Variants in GABRG3 observed in about 807,000 individuals in gnomAD.
The protein encoded by GABRG3 is gamma-aminobutyric acid type A receptor subunit gamma3, also known as gamma-aminobutyric acid receptor subunit gamma-3.
In GABRG3, 25 loss-of-function variants were observed where a neutral mutation model predicts 48.8. The ratio of observed to expected loss-of-function variants is 0.51; its 90% CI spans 0.37 to 0.72. The LOEUF is 0.72. GABRG3 is among the 30% of genes least tolerant of loss of function. GABRG3 has a pLI of 0.00. For missense variants in GABRG3, 394 were observed against 577.9 expected, an observed-to-expected ratio of 0.68 and a Z score of 3.26; for synonymous variants, 227 against 217.6, an observed-to-expected ratio of 1.04 and a Z score of -0.38.
intron 2 of GABRG3, among the ~76,000 whole-genome samples, chr15:27,020,653 G>C (rs1185716490): frequency 6.6e-6 from 1 of 151,924 alleles, no homozygotes; most frequent in Non-Finnish European, 1.5e-5. Flanking sequence ...TCCCGACCTC[G>C]TGATCCGCCC....
At chr15:27,318,886 C>T (rs548181382) in intron 3 of GABRG3, among the ~76,000 whole-genome samples, 1 of 152,220 alleles carries the variant, frequency 6.6e-6, no homozygotes, top group South Asian at 2.1e-4. Flanking sequence ...GTTACCAGGA[C>T]CTGGGAACAG....
Position 27,486,123 on chromosome 15 carries a change from C to A in GABRG3, c.712+5336C>A, listed in dbSNP as rs375105737. 1.4e-4 allele frequency among the ~76,000 whole-genome samples: 22 copies of A among 152,246 alleles called. No homozygotes were observed. The East Asian group carries it at 4.3e-3, about 29-fold the overall frequency. ...TTGCAGTGGGCATACTTATGGCAAA[C>A]TGAGGGGTGCTCGGGTCAGGCTCAG... On this transcript the variant is annotated intron_variant, in intron 6 of 9. Coordinates refer to ENST00000615808, the MANE Select transcript of GABRG3 (RefSeq NM_033223.5).
intron 3 of GABRG3, among the ~76,000 whole-genome samples, chr15:27,175,619 C>T (rs945255917): frequency 1.3e-5 from 2 of 152,144 alleles, no homozygotes; most frequent in Non-Finnish European, 2.9e-5. Flanking sequence ...GAGGCTCTCA[C>T]GGGGACATTA....
intron 5 of GABRG3, among the ~76,000 whole-genome samples, chr15:27,464,220 C>G (rs1889535399): frequency 6.6e-6 from 1 of 152,140 alleles, no homozygotes; most frequent in East Asian, 1.9e-4. Context: ...ATAACATTGT[C>G]ATCACCCCAA....
At chr15:27,071,579 A>G (rs947335306) in intron 3 of GABRG3, among the ~76,000 whole-genome samples, 7 of 152,212 alleles carry the variant, frequency 4.6e-5, no homozygotes, top group African/African-American at 1.7e-4. Context: ...TGACTGGGGC[A>G]GTCTGCACAC....
At chr15:27,102,440 TAATAAC>T (rs969805645) in intron 3 of GABRG3, among the ~76,000 whole-genome samples, 2 of 152,222 alleles carry the variant, frequency 1.3e-5, no homozygotes, top group African/African-American at 4.8e-5. Context: ...CTGGGCTCCA[TAATAAC>T]AATAACAACA....
rs544407370 is a variant in GABRG3 at position 27,228,182 on chromosome 15, G to T, written c.271-98627G>T. On this transcript the variant is annotated intron_variant, in intron 3 of 9. Transcript: ENST00000615808. ...TATTAATACATCACCCAGGTATTAA[G>T]CTCAGTTCCCAATAGTTGTCTTTTC... Among the ~76,000 whole-genome samples the T allele has an allele frequency of 7.2e-5, 11 of 152,282 alleles. No homozygotes were observed. The East Asian group carries it at 2.1e-3, about 29-fold the overall frequency.
At chr15:27,307,006 G>GAATATAAACATA (rs1566769766) in intron 3 of GABRG3, among the ~76,000 whole-genome samples, 2 of 78,570 alleles carry the variant, frequency 2.5e-5, no homozygotes, top group African/African-American at 1.2e-4. Context: ...ATATAAACAT[G>GAATATAAACATA]TATAAACATG....
In GABRG3 at chr15:27,215,216, A is replaced by T. The variant is rs143982119; in HGVS notation, c.271-111593A>T. ...GAAGTGAGAACTCTGAAGGAGGAAG[A>T]GGAGTCAGGGAGGCTCTTGGCAGGG... On this transcript the variant is annotated intron_variant, in intron 3 of 9. Transcript: ENST00000615808. 4.7e-3 allele frequency among the ~76,000 whole-genome samples: 720 copies of T among 152,330 alleles called. 5 individuals are homozygous for T. Among genetic ancestry groups the T allele is most frequent in the African/African-American group, 0.016 (682 of 41,568 alleles).
At chr15:27,251,578 C>T (rs1244247368) in intron 3 of GABRG3, among the ~76,000 whole-genome samples, 4 of 152,174 alleles carry the variant, frequency 2.6e-5, no homozygotes, top group Non-Finnish European at 5.9e-5. Context: ...AGATGAATTA[C>T]AGTGCATTTT....
chr15:27,412,175 T>C (rs1887816684), intron 5 of GABRG3, among the ~76,000 whole-genome samples: 2 of 152,164 alleles, frequency 1.3e-5, no homozygotes, highest in East Asian at 1.9e-4. Flanking sequence ...CATGCAACCG[T>C]AAGAAATAAT....
chr15:27,532,909 C>T lies in GABRG3; in HGVS notation c.*28C>T. On this transcript the variant is annotated 3_prime_UTR_variant, in exon 10 of 10. Transcript: ENST00000615808. Reference sequence around the variant, plus strand: ...GTTGCTCAGAGTGAAGAGTGAAGAGCATTTGGTACACACTTGACCTTCTGT... The same window carrying T: ...GTTGCTCAGAGTGAAGAGTGAAGAGTATTTGGTACACACTTGACCTTCTGT... 1 of 1,603,436 alleles carries T rather than the reference C, an allele frequency of 6.2e-7. No homozygotes were observed. The highest frequency in any genetic ancestry group is 8.5e-7 in the Non-Finnish European group (1 of 1,174,734).
intron 3 of GABRG3, among the ~76,000 whole-genome samples, chr15:27,197,784 G>C (rs1888543126): frequency 6.6e-6 from 1 of 152,038 alleles, no homozygotes; most frequent in Non-Finnish European, 1.5e-5. Flanking sequence ...CTCAATTTCA[G>C]AACTTGTTAT....
chr15:27,527,480 A>G lies in GABRG3; in HGVS notation c.913A>G (p.Lys305Glu). 6.2e-7 allele frequency: 1 copy of G among 1,613,980 alleles called. No homozygotes were observed. Reference protein sequence around the residue: ...TMTTLSTIARKSLPRVSYVTA... With the variant: ...TMTTLSTIARESLPRVSYVTA... ...GACCACCCTGAGCACCATCGCCAGG[A>G]AGTCCTTGCCACGCGTGTCCTACGT... The change falls in exon 8 of 10, where the codon AAG becomes GAG. Residue 305 changes from lysine to glutamate, a missense_variant. Around this residue, in one of 3 missense-constraint regions of GABRG3, gnomAD observed 50 missense variants for 112.5 expected, o/e 0.44. Coordinates refer to ENST00000615808, the MANE Select transcript of GABRG3 (RefSeq NM_033223.5).
In GABRG3 at chr15:27,421,945, T is replaced by C. The variant is rs111775680; in HGVS notation, c.575-58705T>C. On this transcript the variant is annotated intron_variant, in intron 5 of 9. Transcript: ENST00000615808. The stretch of plus-strand genomic sequence containing the variant: ...GGGCTGCATATCCACCAATACTGAG[T>C]GTTCTAAGATATCCATGGGAGTGGG... Among the ~76,000 whole-genome samples, 15 of 150,740 alleles carry C rather than the reference T, an allele frequency of 1.0e-4. No individual in the cohort carries two copies. In the East Asian group the frequency reaches 1.6e-3, roughly 16 times the overall value.
intron 3 of GABRG3, among the ~76,000 whole-genome samples, chr15:27,233,292 T>G (rs79990468): frequency 6.6e-6 from 1 of 152,276 alleles, no homozygotes; most frequent in East Asian, 1.9e-4. Flanking sequence ...GTGAAAACCT[T>G]TCTAGCGAGC....
rs1266295298 is a variant in GABRG3, at chr15:26,976,297, A to T, written c.54-705A>T. 6.6e-6 allele frequency among the ~76,000 whole-genome samples: 1 copy of T among 152,198 alleles called. No homozygotes were observed. The highest frequency in any genetic ancestry group is 1.5e-5 in the Non-Finnish European group (1 of 68,026). On this transcript the variant is annotated intron_variant, in intron 1 of 9. Coordinates refer to ENST00000615808, the MANE Select transcript of GABRG3 (RefSeq NM_033223.5). The surrounding 1 kb of genome is among the most constrained non-coding windows in gnomAD (Gnocchi z 7.8). ...TTACTAAGAAGTCAGAATGTTGAAG[A>T]CTTATTAGAAAGCTTAGTTCTTCAT...
intron 9 of GABRG3, among the ~76,000 whole-genome samples, chr15:27,532,392 C>G (rs1391274974): frequency 6.8e-6 from 1 of 147,486 alleles, no homozygotes; most frequent in African/African-American, 2.6e-5. Context: ...CTTCTTCCTT[C>G]CTTCTTGCCT....
At chr15:27,166,492 G>A (rs1887376153) in intron 3 of GABRG3, among the ~76,000 whole-genome samples, 1 of 152,108 alleles carries the variant, frequency 6.6e-6, no homozygotes, top group African/African-American at 2.4e-5. Context: ...CTTCAGGGGA[G>A]CCTCTAGGGT....
Sources: allele counts gnomAD v4.1 joint callset (sites outside exome capture counted in the v4.1 genomes callset), GRCh38; gene constraint gnomAD v4.1.1; regional missense constraint gnomAD v4.1.1; non-coding constraint Gnocchi (gnomAD v3.1); transcripts MANE v1.5; gene names NCBI Gene and HGNC (gene_info 2026-07-23, HGNC 2026-07-21).